Variants in HDGFL3 observed in about 807,000 individuals in gnomAD.
HDGFL3 encodes HDGF like 3, also known as hepatoma-derived growth factor-related protein 3.
Under a neutral mutation model 27.6 loss-of-function variants are expected in HDGFL3, and 6 were observed. The observed-to-expected ratio is 0.22, with a 90% CI of 0.12 to 0.43. The LOEUF (loss-of-function observed/expected upper bound fraction) is 0.43. Among genes scored for constraint, HDGFL3 ranks in the 20% least tolerant of loss-of-function variants. HDGFL3 has a pLI of 1.00. For missense variants in HDGFL3, 207 were observed against 250.1 expected, an observed-to-expected ratio of 0.83 and a Z score of 1.16; for synonymous variants, 88 against 88.9, an observed-to-expected ratio of 0.99 and a Z score of 0.05.
At position 83,131,459 on chromosome 15, in the gene HDGFL3, C is replaced by G. The variant is rs187495956; in HGVS notation, c.*7811G>C. 6.6e-6 allele frequency: 1 copy of G among 152,128 alleles called. No homozygotes were observed. The highest frequency in any genetic ancestry group is 1.5e-5 in the Non-Finnish European group (1 of 68,124). 9.4% of individuals were successfully genotyped at this position (152,128 alleles called of 1,614,324 possible). On this transcript the variant is annotated 3_prime_UTR_variant, in exon 6 of 6. Coordinates refer to ENST00000299633, the MANE Select transcript of HDGFL3 (RefSeq NM_016073.4). ...CAGCCTGGCCAACATGACGAAACCC[C>G]GTCTCTACTAAAAATACAAAAAATT...
intron 5 of HDGFL3, among the ~76,000 whole-genome samples, chr15:83,143,365 A>C (rs2036820860): frequency 6.6e-6 from 1 of 150,916 alleles, no homozygotes; most frequent in South Asian, 2.2e-4. Context: ...CGGGCGAATC[A>C]CTTGAGGTCT....
At chr15:83,191,218 T>A (rs957067963) in intron 1 of HDGFL3, among the ~76,000 whole-genome samples, 2 of 152,234 alleles carry the variant, frequency 1.3e-5, no homozygotes, top group Non-Finnish European at 2.9e-5. Flanking sequence ...TCTCACCACC[T>A]TATTCTCCTT....
intron 5 of HDGFL3, among the ~76,000 whole-genome samples, chr15:83,139,614 T>C (rs755152552): frequency 6.6e-6 from 1 of 152,230 alleles, no homozygotes; most frequent in Non-Finnish European, 1.5e-5. Flanking sequence ...GAGAAATTGA[T>C]ATAATCTATC....
intron 1 of HDGFL3, among the ~76,000 whole-genome samples, chr15:83,197,967 G>A (rs142730066): frequency 6.9e-6 from 1 of 145,626 alleles, no homozygotes; most frequent in African/African-American, 2.6e-5. Flanking sequence ...GGCGGGGAGG[G>A]GGTGATGAGG....
chr15:83,196,642 T>G lies in HDGFL3; in HGVS notation c.84+10689A>C, dbSNP rs577702043. Among the ~76,000 whole-genome samples, 101 of 152,210 alleles carry G rather than the reference T, an allele frequency of 6.6e-4. 1 individual carries two copies. Among genetic ancestry groups the G allele is most frequent in the African/African-American group, 2.3e-3 (94 of 41,550 alleles). The stretch of plus-strand genomic sequence containing the variant: ...CAAAAAAATTAAATAAGACTTTATT[T>G]CATTAAGTTTGAAATAGAAGAAAAG... On this transcript the variant is annotated intron_variant, in intron 1 of 5. Coordinates refer to ENST00000299633, the MANE Select transcript of HDGFL3 (RefSeq NM_016073.4).
intron 3 of HDGFL3, chr15:83,119,646 G>A (rs886997722): frequency 6.2e-7 from 1 of 1,614,172 alleles, no homozygotes; most frequent in Admixed American, 1.7e-5. Flanking sequence ...CTCATTATCT[G>A]ATGTACCTGG....
intron 1 of HDGFL3, among the ~76,000 whole-genome samples, chr15:83,171,166 A>G (rs188812417): frequency 1.8e-4 from 27 of 152,182 alleles, no homozygotes; most frequent in African/African-American, 6.5e-4. Flanking sequence ...TGTCATTTAC[A>G]TTAGGTCTAT....
In HDGFL3 at chr15:83,131,222, C is replaced by G. The variant is rs978476862; in HGVS notation, c.*8048G>C. ...TGCATTCATGATCCCACTAACTTTA[C>G]TAAAACTTACTTTTACTGAAACATC... is the stretch of plus-strand genomic sequence containing the variant. On this transcript the variant is annotated 3_prime_UTR_variant, in exon 6 of 6. Coordinates refer to ENST00000299633, the MANE Select transcript of HDGFL3 (RefSeq NM_016073.4). The G allele has an allele frequency of 1.3e-5, 2 of 152,100 alleles. No homozygotes were observed. The highest frequency in any genetic ancestry group is 2.9e-5 in the Non-Finnish European group (2 of 68,030). 9.4% of individuals were successfully genotyped at this position (152,100 alleles called of 1,614,324 possible).
At chr15:83,205,262 A>T (rs540602666) in intron 1 of HDGFL3, among the ~76,000 whole-genome samples, 1 of 152,352 alleles carries the variant, frequency 6.6e-6, no homozygotes, top group South Asian at 2.1e-4. Context: ...AGGGGACTCA[A>T]ATCTTTTTCT....
chr15:83,143,497 G>A lies in HDGFL3; in HGVS notation c.607-4222C>T, dbSNP rs548150074. Reference sequence around the variant, plus strand: ...CTCAGGAGGCTGAGGCAGGAGGATCGCTTGAACCCAGGAGGCGGAGGTTGC... The same window carrying A: ...CTCAGGAGGCTGAGGCAGGAGGATCACTTGAACCCAGGAGGCGGAGGTTGC... On this transcript the variant is annotated intron_variant, in intron 5 of 5. Coordinates refer to ENST00000299633, the MANE Select transcript of HDGFL3 (RefSeq NM_016073.4). 6.6e-5 allele frequency among the ~76,000 whole-genome samples: 10 copies of A among 151,900 alleles called. No homozygotes were observed. In the South Asian group the frequency reaches 8.3e-4, roughly 13 times the overall value.
downstream of HDGFL3, chr15:83,122,855 G>A (rs749414164): frequency 4.3e-6 from 7 of 1,613,934 alleles, no homozygotes; most frequent in Admixed American, 3.3e-5. Context: ...TCAGCCATCA[G>A]AAAATTATAA....
At chr15:83,158,188 G>A in intron 2 of HDGFL3, 147 bp from the exon 3 acceptor site, 3 of 646,506 alleles carry the variant, frequency 4.6e-6, no homozygotes, top group East Asian at 3.0e-5. Context: ...CACATATTAC[G>A]AGGTGTTTCA....
chr15:83,115,773 T>A (rs1215901088), intron 3 of HDGFL3: 1 of 979,266 alleles, frequency 1.0e-6, no homozygotes, highest in Non-Finnish European at 1.6e-6. Context: ...CCATTATTAT[T>A]AGCTGATGCC....
Position 83,133,700 on chromosome 15 carries a change from T to A in HDGFL3, c.*5570A>T, listed in dbSNP as rs900108344. The A allele has an allele frequency of 6.6e-6, 1 of 152,270 alleles. No individual in the cohort carries two copies. Among genetic ancestry groups the A allele is most frequent in the Admixed American group, 6.5e-5 (1 of 15,284 alleles). The allele number at this position is 152,270 out of a possible 1,614,324, so 9.4% of individuals were successfully genotyped here. On this transcript the variant is annotated 3_prime_UTR_variant, in exon 6 of 6. Coordinates refer to ENST00000299633, the MANE Select transcript of HDGFL3 (RefSeq NM_016073.4). ...CCAGCACAGGCTCAGGCTGAGCTCT[T>A]CAGGTCCTGCCATGAGAGGCCTTGT...
intron 1 of HDGFL3, among the ~76,000 whole-genome samples, chr15:83,183,766 GAAA>G (rs58129931): frequency 4.5e-5 from 6 of 133,566 alleles, no homozygotes; most frequent in African/African-American, 1.3e-4. Flanking sequence ...TCAAAAAAAA[GAAA>G]AAAAAAAAAA....
chr15:83,144,906 A>G (rs535783138), intron 5 of HDGFL3: 48 of 248,562 alleles, frequency 1.9e-4, no homozygotes, highest in African/African-American at 1.1e-3. Context: ...GTGTAAGCCA[A>G]TCAGTGCATG....
intron 1 of HDGFL3, among the ~76,000 whole-genome samples, chr15:83,197,395 T>C (rs892846409): frequency 6.6e-6 from 1 of 152,240 alleles, no homozygotes; most frequent in African/African-American, 2.4e-5. Flanking sequence ...GAAATGTTTC[T>C]TTTAAAAAAT....
At chr15:83,125,118 C>A (rs868403858), downstream of HDGFL3, among the ~76,000 whole-genome samples, 1 of 152,286 alleles carries the variant, frequency 6.6e-6, no homozygotes, top group Middle Eastern at 3.4e-3. Context: ...CACCCTAGGA[C>A]TGCAACACAA....
intron 1 of HDGFL3, among the ~76,000 whole-genome samples, chr15:83,167,104 T>C (rs1033950335): frequency 3.9e-5 from 6 of 152,184 alleles, no homozygotes; most frequent in Non-Finnish European, 8.8e-5. Flanking sequence ...ACAAGACTTA[T>C]CTGTCACCTG....
Sources: allele counts gnomAD v4.1 joint callset (sites outside exome capture counted in the v4.1 genomes callset), GRCh38; gene constraint gnomAD v4.1.1; transcripts MANE v1.5; gene names NCBI Gene and HGNC (gene_info 2026-07-23, HGNC 2026-07-21).